CD2AP: variants seen among roughly 807,000 people sequenced by gnomAD.
CD2AP encodes the protein CD2-associated protein.
CD2AP carries 46 observed loss-of-function variants against 85.1 expected under a neutral mutation model. The observed-to-expected ratio is 0.54, with a 90% CI of 0.43 to 0.69. The LOEUF is 0.69. Among genes scored for constraint, CD2AP ranks in the 30% least tolerant of loss-of-function variants. The pLI is 0.00. For synonymous variants in CD2AP, 255 were observed against 252.9 expected (o/e 1.01, Z -0.08); for missense variants, 769 against 729.5 (o/e 1.05, Z -0.62).
intron 17 of CD2AP, among the ~76,000 whole-genome samples, chr6:47,615,792 A>AATTAATTAATTT (rs1554129261): frequency 1.4e-4 from 16 of 117,408 alleles, no homozygotes; most frequent in African/African-American, 4.6e-4. Flanking sequence ...AATTTAATTT[A>AATTAATTAATTT]ATTTATTTAT....
At chr6:47,512,695 C>T (rs1766350687) in intron 2 of CD2AP, among the ~76,000 whole-genome samples, 2 of 152,216 alleles carry the variant, frequency 1.3e-5, no homozygotes, top group Admixed American at 1.3e-4. Flanking sequence ...ATTTTGCCAT[C>T]TTGCTTAAGT....
chr6:47,574,412 T>C (rs1169895270), intron 6 of CD2AP, among the ~76,000 whole-genome samples, 161 bp downstream of exon 6: 3 of 152,076 alleles, frequency 2.0e-5, no homozygotes, highest in Admixed American at 2.0e-4. Flanking sequence ...TCTCCAAATT[T>C]ACAATGATTA....
intron 2 of CD2AP, among the ~76,000 whole-genome samples, chr6:47,528,903 C>T (rs971967914): frequency 6.6e-6 from 1 of 152,064 alleles, no homozygotes; most frequent in Non-Finnish European, 1.5e-5. Context: ...TCTCAAATGA[C>T]AGTCTTAGGC....
chr6:47,528,864 AT>A (rs1173889123), intron 2 of CD2AP, among the ~76,000 whole-genome samples: 1 of 151,938 alleles, frequency 6.6e-6, no homozygotes, highest in Admixed American at 6.6e-5. Flanking sequence ...TTGCTTTTTT[AT>A]TGTTGACTTT....
chr6:47,509,479 G>A (rs969562157), intron 2 of CD2AP, among the ~76,000 whole-genome samples: 4 of 151,710 alleles, frequency 2.6e-5, no homozygotes, highest in Admixed American at 1.3e-4. Flanking sequence ...GTGCAGTGAA[G>A]CGAAGTGCAG....
At chr6:47,623,846 A>G (rs1476587868) in intron 17 of CD2AP, among the ~76,000 whole-genome samples, 2 of 152,136 alleles carry the variant, frequency 1.3e-5, no homozygotes, top group Admixed American at 1.3e-4. Context: ...TTAATTATAG[A>G]TACATGTACA....
At chr6:47,533,440 G>A (rs1562019860) in intron 2 of CD2AP, among the ~76,000 whole-genome samples, 162 bp from the exon 3 acceptor site, 1 of 152,014 alleles carries the variant, frequency 6.6e-6, no homozygotes, top group Non-Finnish European at 1.5e-5. Flanking sequence ...ACCAAAATGT[G>A]TTTTATTCTT....
chr6:47,542,156 T>A (rs1381108013), intron 3 of CD2AP, among the ~76,000 whole-genome samples: 1 of 152,346 alleles, frequency 6.6e-6, no homozygotes, highest in South Asian at 2.1e-4. Flanking sequence ...TAGTTTATAT[T>A]AAATATTTTA....
intron 1 of CD2AP, among the ~76,000 whole-genome samples, chr6:47,490,433 G>A (rs1271299100): frequency 3.3e-5 from 5 of 152,000 alleles, no homozygotes; most frequent in African/African-American, 1.2e-4. Flanking sequence ...CTTGAAACAT[G>A]CTTAAAAATA....
chr6:47,503,961 C>A (rs1766063343), intron 2 of CD2AP, among the ~76,000 whole-genome samples: 1 of 152,166 alleles, frequency 6.6e-6, no homozygotes, highest in African/African-American at 2.4e-5. Flanking sequence ...TTTCCAACAA[C>A]AAAATGCATT....
At chr6:47,493,378 A>G (rs1161841568) in intron 1 of CD2AP, among the ~76,000 whole-genome samples, 1 of 148,602 alleles carries the variant, frequency 6.7e-6, no homozygotes, top group Non-Finnish European at 1.5e-5. Context: ...CAATGCTTTA[A>G]ATATTTTATT....
At chr6:47,528,181 C>G (rs867912279) in intron 2 of CD2AP, among the ~76,000 whole-genome samples, 1 of 152,090 alleles carries the variant, frequency 6.6e-6, no homozygotes, top group African/African-American at 2.4e-5. Context: ...TTTACTACTT[C>G]TTTTGGGGGA....
At chr6:47,598,182 A>C (rs1769000542) in intron 12 of CD2AP, among the ~76,000 whole-genome samples, 1 of 151,154 alleles carries the variant, frequency 6.6e-6, no homozygotes, top group Non-Finnish European at 1.5e-5. Flanking sequence ...GGGAATACAA[A>C]TCAAAACCGC....
chr6:47,592,287 G>A (rs556609493), intron 11 of CD2AP, among the ~76,000 whole-genome samples: 1 of 152,100 alleles, frequency 6.6e-6, no homozygotes, highest in African/African-American at 2.4e-5. Context: ...AGTACTCACA[G>A]CTGGATGTTC....
intron 3 of CD2AP, among the ~76,000 whole-genome samples, chr6:47,540,174 C>CAAAAAA (rs373888400): frequency 7.2e-5 from 4 of 55,614 alleles, no homozygotes; most frequent in Middle Eastern, 9.4e-3. Context: ...GGCCCTGTCT[C>CAAAAAA]AAAAAAAAAA....
chr6:47,576,192 T>C (rs1366300377), intron 6 of CD2AP, among the ~76,000 whole-genome samples: 24 of 152,168 alleles, frequency 1.6e-4, no homozygotes. Context: ...TCTCCTGCCT[T>C]GGCCTCCCTA....
chr6:47,590,234 GTAA>G (rs1294203169), intron 11 of CD2AP, among the ~76,000 whole-genome samples: 1 of 151,832 alleles, frequency 6.6e-6, no homozygotes, highest in African/African-American at 2.4e-5. Flanking sequence ...AATGTTAGAA[GTAA>G]TAAAAGATGG....
chr6:47,613,764 T>G (rs1769507896), intron 17 of CD2AP, among the ~76,000 whole-genome samples: 1 of 152,218 alleles, frequency 6.6e-6, no homozygotes, highest in Non-Finnish European at 1.5e-5. Flanking sequence ...AGGGATTGAC[T>G]TCTCTCTAGT....
Position 47,503,260 on chromosome 6 carries a change from GT to G in CD2AP, c.5-14del, listed in dbSNP as rs760269835. 3.1e-6 allele frequency: 5 copies of G among 1,610,318 alleles called. No individual in the cohort carries two copies. Among genetic ancestry groups the G allele is most frequent in the African/African-American group, 2.7e-5 (2 of 74,932 alleles). On this transcript the variant is annotated intron_variant, in intron 1 of 17. Coordinates refer to ENST00000359314, the MANE Select transcript of CD2AP (RefSeq NM_012120.3). ...TTGTGAATTAGATTTTAGACATTTC[GT>G]TTTTTCCCCCTTTTTTAGTTGACTA...
Sources: allele counts gnomAD v4.1 joint callset (sites outside exome capture counted in the v4.1 genomes callset), GRCh38; gene constraint gnomAD v4.1.1; transcripts MANE v1.5; gene names NCBI Gene and HGNC (gene_info 2026-07-23, HGNC 2026-07-21).